Variants in ABR observed in about 807,000 individuals in gnomAD.
ABR encodes ABR activator of RhoGEF and GTPase, also known as active breakpoint cluster region-related protein.
A neutral mutation model predicts 107.2 loss-of-function variants in ABR; 35 were observed. That is an observed-to-expected ratio of 0.33 (90% CI 0.25 to 0.43). ABR has a LOEUF of 0.43. Ranked by LOEUF, ABR falls within the 20% of genes least tolerant of loss-of-function variation. ABR has a pLI of 1.00. For synonymous variants in ABR, 498 were observed against 462.0 expected, an observed-to-expected ratio of 1.08 and a Z score of -1.00; for missense variants, 815 against 1,115.2, an observed-to-expected ratio of 0.73 and a Z score of 3.83.
intron 2 of ABR, among the ~76,000 whole-genome samples, chr17:1,106,549 A>G (rs1428947197): frequency 2.6e-4 from 8 of 31,040 alleles, no homozygotes; most frequent in Non-Finnish European, 4.6e-4. Flanking sequence ...TTTTTTTTTG[A>G]GACTGAGTCT....
intron 21 of ABR, among the ~76,000 whole-genome samples, chr17:1,008,986 C>G (rs937188819): frequency 6.6e-6 from 1 of 152,200 alleles, no homozygotes; most frequent in Non-Finnish European, 1.5e-5. Context: ...AAGCAAGTCT[C>G]CGCCTGGTGT....
At chr17:1,197,984 C>G (rs755477970) in intron 1 of ABR, among the ~76,000 whole-genome samples, 1 of 151,862 alleles carries the variant, frequency 6.6e-6, no homozygotes, top group Middle Eastern at 3.4e-3. Flanking sequence ...GCTGCTGCTG[C>G]GCCCGGCTGG....
chr17:1,115,966 C>G (rs2038967654), intron 2 of ABR, among the ~76,000 whole-genome samples: 1 of 149,562 alleles, frequency 6.7e-6, no homozygotes, highest in Non-Finnish European at 1.5e-5. Flanking sequence ...GTGGCTCACG[C>G]CTGTAATCCC....
At chr17:1,169,072 G>C (rs2041615308) in intron 1 of ABR, among the ~76,000 whole-genome samples, 1 of 152,222 alleles carries the variant, frequency 6.6e-6, no homozygotes, top group African/African-American at 2.4e-5. Flanking sequence ...AAGGCTTTCT[G>C]CTCCATTAAC....
Position 1,084,797 on chromosome 17 carries a change from T to G in ABR, c.532-1170A>C, listed in dbSNP as rs2036483282. The stretch of plus-strand genomic sequence containing the variant: ...AACGGCTGGCAAGCATATGGGGAAA[T>G]TTAAACTCCCTGTTTTTGTTTTTGT... On this transcript the variant is annotated intron_variant, in intron 4 of 22. Transcript: ENST00000302538. The surrounding 1 kb of genome is among the most constrained non-coding windows in gnomAD (Gnocchi z 4.2). 1.3e-5 allele frequency among the ~76,000 whole-genome samples: 2 copies of G among 152,194 alleles called. No homozygotes were observed. Among genetic ancestry groups the G allele is most frequent in the African/African-American group, 4.8e-5 (2 of 41,446 alleles).
intron 1 of ABR, among the ~76,000 whole-genome samples, chr17:1,214,208 A>T (rs936997503): frequency 2.0e-4 from 30 of 152,010 alleles, no homozygotes; most frequent in African/African-American, 7.0e-4. Context: ...GTTACACAGG[A>T]CTTGGACTTC....
chr17:1,020,775 A>G lies in ABR; in HGVS notation c.1792-7611T>C, dbSNP rs1012445990. 8.5e-5 allele frequency among the ~76,000 whole-genome samples: 13 copies of G among 152,154 alleles called. No homozygotes were observed. The East Asian group carries it at 2.5e-3, about 29-fold the overall frequency. On this transcript the variant is annotated intron_variant, in intron 16 of 22. Transcript: ENST00000302538. ...CGTCCTCCAGGGCTGAGTTTCAGGA[A>G]CATCCTGGGGATGCCCCTGAGGGTC...
In ABR at chr17:1,055,884, C is replaced by G; in HGVS notation, c.1561+151G>C. ...AGAAAGAGGACTTTGGAGACAAAGG[C>G]CAGGGGTGACCTCCCTGCCAAGAGG... On this transcript the variant is annotated intron_variant, in intron 14 of 22. Coordinates refer to ENST00000302538, the MANE Select transcript of ABR (RefSeq NM_021962.5). The G allele has an allele frequency of 2.9e-6, 2 of 691,214 alleles. 1 individual carries two copies. The highest frequency in any genetic ancestry group is 5.4e-5 in the East Asian group (2 of 36,796). The allele number at this position is 691,214 out of a possible 1,614,324, so 42.8% of individuals were successfully genotyped here. A position where few individuals can be genotyped will look rare whatever the true frequency, so the allele number is the denominator to read the frequency against.
intron 1 of ABR, among the ~76,000 whole-genome samples, chr17:1,132,570 G>T (rs897993730): frequency 6.6e-6 from 1 of 151,742 alleles, no homozygotes; most frequent in African/African-American, 2.4e-5. Flanking sequence ...GTAAAGACGG[G>T]GTTTCACCGT....
chr17:1,219,399 G>A (rs2043074641), intron 1 of ABR, among the ~76,000 whole-genome samples: 1 of 149,716 alleles, frequency 6.7e-6, no homozygotes, highest in Admixed American at 6.7e-5. Context: ...CACTATGTTA[G>A]TGATTTAATA....
rs936800749 is a variant in ABR, at chr17:1,229,321, C to G, written c.310G>C (p.Ala104Pro). ...GCTTCTCCGGCCGCCCCGGGCCCGG[C>G]GGGCAGGTCCCCGCGGGGAGACTCG... The change falls in exon 1 of 23, where the codon GCC becomes CCC. Residue 104 changes from alanine (A) to proline (P), a missense_variant. Physicochemically the swap from Ala to Pro is conservative, Grantham distance 27. Transcript: ENST00000574139. Among the ~76,000 whole-genome samples, 117 of 150,814 alleles carry G rather than the reference C, an allele frequency of 7.8e-4. No individual in the cohort carries two copies. The highest frequency in any genetic ancestry group is 2.6e-3 in the African/African-American group (109 of 41,266).
At position 1,055,748 on chromosome 17, in the gene ABR, C is replaced by T. The variant is rs548022990; in HGVS notation, c.1561+287G>A. On this transcript the variant is annotated intron_variant, in intron 14 of 22. Transcript: ENST00000302538. ...TTCACCATGTTGGCCCGGATGGTCT[C>T]GAACTCCTGACCTCGTGATCCGCCC... The T allele has an allele frequency of 4.8e-4, 170 of 352,630 alleles. 1 individual carries two copies. Among genetic ancestry groups the T allele is most frequent in the African/African-American group, 3.0e-3 (148 of 48,922 alleles). 21.8% of individuals were successfully genotyped at this position (352,630 alleles called of 1,614,324 possible).
At position 1,050,329 on chromosome 17, in the gene ABR, C is replaced by G; in HGVS notation, c.1660-148G>C. On this transcript the variant is annotated intron_variant, in intron 15 of 22. Coordinates refer to ENST00000302538, the MANE Select transcript of ABR (RefSeq NM_021962.5). This position sits in a 1 kb window ranked among gnomAD's most constrained non-coding sequence, Gnocchi z 4.6. The stretch of plus-strand genomic sequence containing the variant: ...GATTTTCTGGAGCTCCCAGAGGCCT[C>G]CCATCACCCCTGGAGTCTGGGGGCC... 1 of 1,138,494 alleles carries G rather than the reference C, an allele frequency of 8.8e-7. No homozygotes were observed. Among genetic ancestry groups the G allele is most frequent in the Non-Finnish European group, 1.2e-6 (1 of 811,944 alleles). 70.5% of individuals were successfully genotyped at this position (1,138,494 alleles called of 1,614,324 possible).
In ABR at chr17:1,005,081, G is replaced by A; in HGVS notation, c.*999C>T. ...GCTGAGCTGCCTCCCCGCGACCCGG[G>A]ACACCCAGCGTGGCATGTGCATTCC... On this transcript the variant is annotated 3_prime_UTR_variant, in exon 23 of 23. Coordinates refer to ENST00000302538, the MANE Select transcript of ABR (RefSeq NM_021962.5). The A allele has an allele frequency of 2.5e-6, 1 of 398,460 alleles. No individual in the cohort carries two copies. Among genetic ancestry groups the A allele is most frequent in the Non-Finnish European group, 4.4e-6 (1 of 226,172 alleles). The allele number at this position is 398,460 out of a possible 1,614,324, so 24.7% of individuals were successfully genotyped here.
intron 16 of ABR, 157 bp from the exon 17 acceptor site, chr17:1,013,321 G>T (rs1309541504): frequency 5.2e-6 from 4 of 771,672 alleles, no homozygotes; most frequent in Non-Finnish European, 8.4e-6. Context: ...CAACCCTTTG[G>T]GGGGACCCTA....
intron 1 of ABR, chr17:1,126,545 C>G (rs1190932032): frequency 6.6e-6 from 1 of 152,342 alleles, no homozygotes; most frequent in Non-Finnish European, 1.5e-5. Flanking sequence ...AGCCTTGGGG[C>G]CAGCAGGAGC....
intron 3 of ABR, among the ~76,000 whole-genome samples, chr17:1,096,031 A>G (rs185980598): frequency 6.6e-6 from 1 of 152,186 alleles, no homozygotes; most frequent in Admixed American, 6.5e-5. Context: ...CAGCGTAGCA[A>G]GACACAGTTC....
chr17:1,045,377 CGTCTTCTT>C (rs774213120), intron 16 of ABR, among the ~76,000 whole-genome samples: 3,375 of 118,872 alleles, frequency 0.028, 428 homozygotes, highest in East Asian at 0.063. Context: ...GACAATCTTC[CGTCTTCTT>C]ACAGCAGGAC....
chr17:1,164,839 T>G (rs1404559672), intron 1 of ABR, among the ~76,000 whole-genome samples: 1 of 152,046 alleles, frequency 6.6e-6, no homozygotes, highest in Non-Finnish European at 1.5e-5. Flanking sequence ...GCTAATTTTT[T>G]GTATTTTTAT....
Sources: gnomAD v4.1 joint callset for allele counts (sites outside exome capture counted in the v4.1 genomes callset) on GRCh38, gnomAD v4.1.1 for gene constraint, Gnocchi (gnomAD v3.1) non-coding constraint, MANE v1.5 for transcripts, NCBI Gene and HGNC (gene_info 2026-07-23, HGNC 2026-07-21) for gene names.